BSN: variants seen among roughly 807,000 people sequenced by gnomAD.
The protein encoded by BSN is bassoon presynaptic cytomatrix protein, also known as protein bassoon.
In BSN, 57 loss-of-function variants were observed where a neutral mutation model predicts 264.8. That is an observed-to-expected ratio of 0.22 (90% CI 0.17 to 0.27). BSN has a LOEUF of 0.27. Ranked by LOEUF, BSN falls within the 10% of genes least tolerant of loss-of-function variation. BSN has a pLI of 1.00. For missense variants in BSN, 4,615 were observed against 5,232.5 expected, an observed-to-expected ratio of 0.88 and a Z score of 3.64; for synonymous variants, 2,059 against 2,137.3, an observed-to-expected ratio of 0.96 and a Z score of 1.01.
intron 1 of BSN, among the ~76,000 whole-genome samples, chr3:49,604,210 C>T (rs951023623): frequency 6.6e-6 from 1 of 152,074 alleles, no homozygotes; most frequent in Non-Finnish European, 1.5e-5. Context: ...AGGTACATGC[C>T]ACTGTGCCCA....
intron 1 of BSN, among the ~76,000 whole-genome samples, chr3:49,615,565 G>A (rs961717262): frequency 6.6e-6 from 1 of 152,268 alleles, no homozygotes; most frequent in Middle Eastern, 3.4e-3. Flanking sequence ...AGGAACCCTG[G>A]GTGTGGTACC....
intron 2 of BSN, among the ~76,000 whole-genome samples, chr3:49,630,755 C>T (rs1261782029): frequency 2.6e-5 from 4 of 151,880 alleles, no homozygotes; most frequent in African/African-American, 9.7e-5. Context: ...AAAGAAAATG[C>T]AGTAAAAATG....
At chr3:49,561,762 C>G (rs1364419462) in intron 1 of BSN, among the ~76,000 whole-genome samples, 1 of 151,966 alleles carries the variant, frequency 6.6e-6, no homozygotes, top group African/African-American at 2.4e-5. Flanking sequence ...TTGGTGTTAG[C>G]TATAGTCACC....
At chr3:49,563,478 A>G (rs920758318) in intron 1 of BSN, among the ~76,000 whole-genome samples, 13 of 152,248 alleles carry the variant, frequency 8.5e-5, no homozygotes, top group African/African-American at 2.9e-4. Flanking sequence ...GTGATGGGGA[A>G]GGGTGGGGCA....
chr3:49,610,438 G>A (rs1052463338), intron 1 of BSN, among the ~76,000 whole-genome samples: 4 of 151,914 alleles, frequency 2.6e-5, no homozygotes, highest in Non-Finnish European at 4.4e-5. Flanking sequence ...CAAAAAATTA[G>A]CTGGGTGTGG....
chr3:49,606,807 C>T (rs1486946603), intron 1 of BSN, among the ~76,000 whole-genome samples: 2 of 152,098 alleles, frequency 1.3e-5, no homozygotes, highest in Non-Finnish European at 2.9e-5. Flanking sequence ...TGGGTAAAAA[C>T]CTGACCATGC....
At chr3:49,611,045 C>T (rs1174022501) in intron 1 of BSN, among the ~76,000 whole-genome samples, 1 of 152,174 alleles carries the variant, frequency 6.6e-6, no homozygotes, top group African/African-American at 2.4e-5. Flanking sequence ...TGCTGAGTCT[C>T]TCATCAGTAT....
In BSN at chr3:49,655,926, C is replaced by T. The variant is rs762298626; in HGVS notation, c.6370C>T (p.Leu2124Phe). Residue 2124 changes from leucine to phenylalanine, a missense_variant, in exon 5 of 12, where the codon CTT becomes TTT. By Grantham distance (22) the Leu-to-Phe change is conservative. Around this residue, in one of 3 missense-constraint regions of BSN, gnomAD observed 3,415 missense variants for 3,866.4 expected, o/e 0.88. Coordinates refer to ENST00000296452, the MANE Select transcript of BSN (RefSeq NM_003458.4). ...TGGCAGTGGTGGTGGTGGCCCTGACCTTGTGCAGTACCAGCCCCAGCACGG... is the reference window on the plus strand; with the variant it reads ...TGGCAGTGGTGGTGGTGGCCCTGACTTTGTGCAGTACCAGCCCCAGCACGG... The part of the protein sequence containing the change: ...RHGSGGGGPD[L>F]VQYQPQHGPG... 1 of 1,611,720 alleles carries T rather than the reference C, an allele frequency of 6.2e-7. No homozygotes were observed. Among genetic ancestry groups the T allele is most frequent in the South Asian group, 1.1e-5 (1 of 91,076 alleles).
chr3:49,622,044 T>C (rs2052311207), intron 1 of BSN, among the ~76,000 whole-genome samples: 1 of 151,880 alleles, frequency 6.6e-6, no homozygotes, highest in Non-Finnish European at 1.5e-5. Flanking sequence ...AATGATCCAA[T>C]AGAGAGGGGG....
rs1402623413 is a variant in BSN at position 49,612,452 on chromosome 3, G to A, written c.225-12523G>A. ...GCCTGGCCAAATAATGATTTTTCAAGTCCAGGATCAAAATCAGTCCAGGAT... is the reference window on the plus strand; with the variant it reads ...GCCTGGCCAAATAATGATTTTTCAAATCCAGGATCAAAATCAGTCCAGGAT... On this transcript the variant is annotated intron_variant, in intron 1 of 11. Coordinates refer to ENST00000296452, the MANE Select transcript of BSN (RefSeq NM_003458.4). Among the ~76,000 whole-genome samples, 5 of 152,208 alleles carry A rather than the reference G, an allele frequency of 3.3e-5. No individual in the cohort carries two copies. In the East Asian group the frequency reaches 5.8e-4, roughly 18 times the overall value.
intron 1 of BSN, among the ~76,000 whole-genome samples, chr3:49,619,288 C>T (rs999682240): frequency 1.4e-4 from 21 of 152,178 alleles, no homozygotes; most frequent in South Asian, 8.3e-4. Context: ...CAATGCCAAG[C>T]GTGGCGCTGG....
Position 49,661,139 on chromosome 3 carries a change from C to T in BSN, c.9294C>T (p.Ala3098=), listed in dbSNP as rs2052650514. The T allele has an allele frequency of 2.5e-6, 4 of 1,612,888 alleles. No individual in the cohort carries two copies. Among genetic ancestry groups the T allele is most frequent in the Non-Finnish European group, 3.4e-6 (4 of 1,179,942 alleles). The change falls in exon 6 of 12, where the codon GCC becomes GCT. Residue 3098 remains alanine (A), a synonymous_variant. Coordinates refer to ENST00000296452, the MANE Select transcript of BSN (RefSeq NM_003458.4). ...CAGCTCCTGCCTTTCCTCCTGGTGC[C>T]AGTTACCCAGCTGAGCCTGGCCTGC... ...TYPAPAFPPG[A]SYPAEPGLPN... is the part of the protein sequence containing the mutation.
In BSN at chr3:49,651,507, A is replaced by G. The variant is rs765216718; in HGVS notation, c.1987-36A>G. 4 of 1,528,772 alleles carry G rather than the reference A, an allele frequency of 2.6e-6. No individual in the cohort carries two copies. Among genetic ancestry groups the G allele is most frequent in the Non-Finnish European group, 3.5e-6 (4 of 1,136,814 alleles). 94.7% of individuals were successfully genotyped at this position (1,528,772 alleles called of 1,614,324 possible). ...TTGGGTTCCCACCACGAGCTTTGCC[A>G]TGGGGAGTCAGTGTCTGCTTTTCAC... On this transcript the variant is annotated intron_variant, in intron 4 of 11. Coordinates refer to ENST00000296452, the MANE Select transcript of BSN (RefSeq NM_003458.4). The surrounding 1 kb of genome is among the most constrained non-coding windows in gnomAD (Gnocchi z 5.4).
At position 49,656,515 on chromosome 3, in the gene BSN, A is replaced by G. The variant is rs752208072; in HGVS notation, c.6959A>G (p.Lys2320Arg). 3 of 1,575,640 alleles carry G rather than the reference A, an allele frequency of 1.9e-6. No homozygotes were observed. The South Asian group carries it at 3.5e-5, about 18-fold the overall frequency. The part of the protein sequence containing the change: ...PLPTTTPAAI[K>R]EAAGAPAPAP... ...CCCACAACCACCCCTGCTGCCATCA[A>G]GGAGGCTGCAGGAGCCCCAGCTCCT... The change falls in exon 5 of 12, where the codon AAG (lysine) becomes AGG (arginine). Residue 2320 changes from lysine to arginine, a missense_variant. Physicochemically the swap from Lys to Arg is conservative, Grantham distance 26. This residue lies in a region of BSN where 3,415 missense variants were observed against 3,866.4 expected (regional missense o/e 0.88). Coordinates refer to ENST00000296452, the MANE Select transcript of BSN (RefSeq NM_003458.4).
intron 1 of BSN, among the ~76,000 whole-genome samples, chr3:49,612,532 G>T (rs1008106872): frequency 6.6e-6 from 1 of 152,168 alleles, no homozygotes; most frequent in African/African-American, 2.4e-5. Flanking sequence ...AACAAATTAT[G>T]ATCTATTGGA....
intron 3 of BSN, among the ~76,000 whole-genome samples, chr3:49,647,351 C>T (rs2052509176): frequency 6.6e-6 from 1 of 152,240 alleles, no homozygotes; most frequent in Non-Finnish European, 1.5e-5. Context: ...TGATGGCATA[C>T]ACACCTGCCT....
In BSN at chr3:49,575,259, C is replaced by T. The variant is rs1007263925; in HGVS notation, c.224+20433C>T. 1.4e-4 allele frequency among the ~76,000 whole-genome samples: 22 copies of T among 151,738 alleles called. 1 individual carries two copies. Among genetic ancestry groups the T allele is most frequent in the African/African-American group, 2.4e-5 (1 of 41,290 alleles). The stretch of plus-strand genomic sequence containing the variant: ...ATCCCAGCTACTAGGGAGGCTGAGG[C>T]AGGAGAATCACTTGAACCCGGGAGG... On this transcript the variant is annotated intron_variant, in intron 1 of 11. Coordinates refer to ENST00000296452, the MANE Select transcript of BSN (RefSeq NM_003458.4).
At chr3:49,614,051 CT>C (rs35326455) in intron 1 of BSN, among the ~76,000 whole-genome samples, 155 of 87,790 alleles carry the variant, frequency 1.8e-3, no homozygotes, top group African/African-American at 4.3e-3. Flanking sequence ...GACATTCAGT[CT>C]TTTTTTTTTT....
In BSN at chr3:49,662,095, A is replaced by G. The variant is rs2108096219; in HGVS notation, c.10250A>G (p.Tyr3417Cys). ...EITYGLKKNV[Y>C]EQQKYYGMSS... Reference sequence around the variant, plus strand: ...ACCTATGGGCTCAAGAAGAACGTGTATGAGCAGCAAAAATACTATGGGATG... The same window carrying G: ...ACCTATGGGCTCAAGAAGAACGTGTGTGAGCAGCAAAAATACTATGGGATG... The change falls in exon 6 of 12, where the codon TAT becomes TGT. Residue 3417 changes from tyrosine to cysteine, a missense_variant. Physicochemically the swap from Tyr to Cys is radical, Grantham distance 194 (BLOSUM62 -2). This residue lies in a region of BSN where 3,415 missense variants were observed against 3,866.4 expected (regional missense o/e 0.88). Transcript: ENST00000296452. 2 of 1,613,536 alleles carry G rather than the reference A, an allele frequency of 1.2e-6. No homozygotes were observed. Among genetic ancestry groups the G allele is most frequent in the Admixed American group, 1.7e-5 (1 of 60,036 alleles).
Sources: allele counts gnomAD v4.1 joint callset (sites outside exome capture counted in the v4.1 genomes callset), GRCh38; gene constraint gnomAD v4.1.1; regional missense constraint gnomAD v4.1.1; non-coding constraint Gnocchi (gnomAD v3.1); transcripts MANE v1.5; gene names NCBI Gene and HGNC (gene_info 2026-07-23, HGNC 2026-07-21).